The following ZNF827 variants were observed in gnomAD, a reference collection of about 807,000 sequenced individuals.
The protein encoded by ZNF827 is zinc finger protein 827.
ZNF827 carries 13 observed loss-of-function variants against 102.4 expected under a neutral mutation model. That is an observed-to-expected ratio of 0.13 (90% CI 0.08 to 0.20). ZNF827 has a LOEUF of 0.20. Ranked by LOEUF, ZNF827 falls within the 10% of genes least tolerant of loss-of-function variation. ZNF827 has a pLI of 1.00. For missense variants in ZNF827, 1,103 were observed against 1,344.4 expected, an observed-to-expected ratio of 0.82 and a Z score of 2.81; for synonymous variants, 523 against 536.2, an observed-to-expected ratio of 0.98 and a Z score of 0.34.
Position 145,759,572 on chromosome 4 carries a change from G to C in ZNF827, c.*2044C>G, listed in dbSNP as rs967519425. The C allele has an allele frequency of 3.3e-5, 5 of 152,092 alleles. No homozygotes were observed. The highest frequency in any genetic ancestry group is 1.2e-4 in the African/African-American group (5 of 41,408). 9.4% of individuals were successfully genotyped at this position (152,092 alleles called of 1,614,324 possible). ...GTCAGGGGCATAAACTGAACCATAG[G>C]ACTAAACAGCACCTTTTTGTTGCGT... On this transcript the variant is annotated 3_prime_UTR_variant, in exon 15 of 15. Transcript: ENST00000508784.
chr4:145,881,717 T>C (rs1749681923), intron 4 of ZNF827, among the ~76,000 whole-genome samples: 1 of 152,122 alleles, frequency 6.6e-6, no homozygotes, highest in African/African-American at 2.4e-5. Flanking sequence ...TGGGGCTCCA[T>C]GAACACAACT....
At chr4:145,767,103 G>A (rs1196359520) in intron 11 of ZNF827, among the ~76,000 whole-genome samples, 2 of 152,148 alleles carry the variant, frequency 1.3e-5, no homozygotes, top group African/African-American at 4.8e-5. Context: ...ACCAATCAAA[G>A]GTGACCCAGA....
At chr4:145,848,736 C>A (rs572141851) in intron 6 of ZNF827, among the ~76,000 whole-genome samples, 2 of 152,260 alleles carry the variant, frequency 1.3e-5, no homozygotes, top group African/African-American at 4.8e-5. Flanking sequence ...CATCCAGACA[C>A]CTCACTGAGC....
intron 13 of ZNF827, chr4:145,764,750 TGCCCTGA>T: frequency 3.6e-6 from 2 of 555,050 alleles, no homozygotes; most frequent in African/African-American, 1.9e-5. Context: ...TCTTTTTTCT[TGCCCTGA>T]ATCCCGGGGT....
chr4:145,810,482 A>C (rs1741901133), intron 8 of ZNF827, among the ~76,000 whole-genome samples: 1 of 152,234 alleles, frequency 6.6e-6, no homozygotes, highest in African/African-American at 2.4e-5. Context: ...AACAAAGGAT[A>C]TAAACTCAAA....
intron 10 of ZNF827, 118 bp from the exon 11 acceptor site, chr4:145,774,790 T>C (rs1736802670): frequency 8.6e-7 from 1 of 1,159,434 alleles, no homozygotes; most frequent in South Asian, 1.6e-5. Context: ...AACACATTTG[T>C]CTCTCCACCA....
intron 5 of ZNF827, among the ~76,000 whole-genome samples, chr4:145,863,651 TG>T (rs1195672114): frequency 5.9e-5 from 9 of 151,316 alleles, no homozygotes; most frequent in Non-Finnish European, 1.3e-4. Flanking sequence ...GCATATTGTA[TG>T]ATTTCATTCA....
intron 8 of ZNF827, among the ~76,000 whole-genome samples, chr4:145,788,578 T>C (rs1442363270): frequency 1.3e-5 from 2 of 152,248 alleles, no homozygotes; most frequent in Admixed American, 6.5e-5. Flanking sequence ...TAAAACCTTA[T>C]TGAATAAATG....
intron 4 of ZNF827, among the ~76,000 whole-genome samples, chr4:145,880,724 T>C (rs1579459742): frequency 1.3e-5 from 2 of 152,206 alleles, no homozygotes; most frequent in East Asian, 3.8e-4. Flanking sequence ...ACGTGATTAG[T>C]GAGTGCCCAT....
At chr4:145,781,215 A>AAAAAAAAAAAAAAAAC (rs1737988594) in intron 8 of ZNF827, among the ~76,000 whole-genome samples, 1 of 127,626 alleles carries the variant, frequency 7.8e-6, no homozygotes, top group Non-Finnish European at 1.6e-5. Context: ...AAAAAAAAAA[A>AAAAAAAAAAAAAAAAC]AAGAAAAAAA....
chr4:145,789,449 A>G (rs187188369), intron 8 of ZNF827, among the ~76,000 whole-genome samples: 1 of 152,348 alleles, frequency 6.6e-6, no homozygotes, highest in East Asian at 1.9e-4. Context: ...TGGAGGACTG[A>G]CCACTGCATT....
chr4:145,839,258 C>G (rs1221624479), intron 7 of ZNF827: 1 of 152,172 alleles, frequency 6.6e-6, no homozygotes, highest in Non-Finnish European at 1.5e-5. Flanking sequence ...GGAAACTTCT[C>G]GGGACAAGGA....
chr4:145,769,799 C>A (rs1385393699), intron 11 of ZNF827, among the ~76,000 whole-genome samples: 1 of 152,148 alleles, frequency 6.6e-6, no homozygotes, highest in African/African-American at 2.4e-5. Flanking sequence ...GGACAACCAG[C>A]TGAAGAGAAC....
intron 7 of ZNF827, among the ~76,000 whole-genome samples, chr4:145,828,933 G>A (rs1399530801): frequency 6.6e-6 from 1 of 152,216 alleles, no homozygotes; most frequent in African/African-American, 2.4e-5. Context: ...AGGGCCAACA[G>A]AGAGTTTTGT....
At chr4:145,771,578 T>C (rs1736290254) in intron 11 of ZNF827, among the ~76,000 whole-genome samples, 1 of 152,192 alleles carries the variant, frequency 6.6e-6, no homozygotes, top group Non-Finnish European at 1.5e-5. Flanking sequence ...TGATATTCTC[T>C]GCAGGGACAA....
intron 4 of ZNF827, among the ~76,000 whole-genome samples, chr4:145,884,557 A>G (rs980242840): frequency 6.6e-6 from 1 of 152,104 alleles, no homozygotes; most frequent in African/African-American, 2.4e-5. Context: ...CCCACCCCCT[A>G]CATCTCCTTT....
chr4:145,861,150 T>C (rs979476597), intron 5 of ZNF827, among the ~76,000 whole-genome samples: 2 of 152,206 alleles, frequency 1.3e-5, no homozygotes, highest in Admixed American at 6.5e-5. Flanking sequence ...TGCGATTTAA[T>C]TATGCATGCA....
chr4:145,906,522 C>T (rs1338615085), intron 1 of ZNF827, among the ~76,000 whole-genome samples: 1 of 152,168 alleles, frequency 6.6e-6, no homozygotes, highest in African/African-American at 2.4e-5. Flanking sequence ...TAACCCCCTC[C>T]ACACCCTCAG....
At chr4:145,882,924 G>A (rs535093917) in intron 4 of ZNF827, among the ~76,000 whole-genome samples, 1 of 152,272 alleles carries the variant, frequency 6.6e-6, no homozygotes, top group South Asian at 2.1e-4. Context: ...GATGGGAAGA[G>A]CTAGAAACTC....
Sources: allele counts gnomAD v4.1 joint callset (sites outside exome capture counted in the v4.1 genomes callset), GRCh38; gene constraint gnomAD v4.1.1; transcripts MANE v1.5; gene names NCBI Gene and HGNC (gene_info 2026-07-23, HGNC 2026-07-21).